The following SCN7A variants were observed in gnomAD, a reference collection of about 807,000 sequenced individuals.
SCN7A encodes sodium voltage-gated channel alpha subunit 7, also known as sodium channel protein type 7 subunit alpha.
Under a neutral mutation model 155.2 loss-of-function variants are expected in SCN7A, and 138 were observed. The ratio of observed to expected loss-of-function variants is 0.89; its 90% CI spans 0.77 to 1.02. The LOEUF (loss-of-function observed/expected upper bound fraction) is 1.02. Ranked by LOEUF, SCN7A falls within the 50% of genes least tolerant of loss-of-function variation. The pLI, the probability that SCN7A is intolerant of heterozygous loss-of-function variation, is 0.00. For synonymous variants in SCN7A, 693 were observed against 649.0 expected (o/e 1.07, Z -1.03); for missense variants, 2,058 against 1,986.6 (o/e 1.04, Z -0.68).
chr2:166,409,044 A>G (rs1701138580), intron 25 of SCN7A, among the ~76,000 whole-genome samples: 1 of 152,010 alleles, frequency 6.6e-6, no homozygotes, highest in Non-Finnish European at 1.5e-5. Context: ...AATAGCACAC[A>G]TTAAAATGTA....
At chr2:166,411,514 GCTTGA>G (rs1374279229) in intron 23 of SCN7A, among the ~76,000 whole-genome samples, 1 of 151,918 alleles carries the variant, frequency 6.6e-6, no homozygotes, top group Non-Finnish European at 1.5e-5. Flanking sequence ...AGGTGAAAGT[GCTTGA>G]CTTAAGGCAA....
chr2:166,414,155 A>T (rs1282754789), intron 21 of SCN7A, among the ~76,000 whole-genome samples: 1 of 67,488 alleles, frequency 1.5e-5, no homozygotes, highest in East Asian at 3.7e-4. Flanking sequence ...ATATAAATAT[A>T]TATAATATAT....
chr2:166,465,345 T>C, intron 9 of SCN7A, 117 bp downstream of exon 9: 1 of 751,924 alleles, frequency 1.3e-6, no homozygotes, highest in African/African-American at 1.8e-5. Context: ...AGTATGGTTT[T>C]GATGATGAAA....
chr2:166,423,342 C>A lies in SCN7A; in HGVS notation c.2944G>T (p.Glu982Ter). 1.2e-6 allele frequency: 2 copies of A among 1,612,004 alleles called. No homozygotes were observed. The highest frequency in any genetic ancestry group is 1.7e-6 in the Non-Finnish European group (2 of 1,179,048). ...TATGCCATCCATTTTAGAAGCATTT[C>A]CAGAATGAAGATATAAGTAAAGATC... The part of the protein sequence containing the change: ...DMIFTYIFIL[E>*]MLLKWMAYGF... Residue 982 changes from glutamate to a stop codon, truncating the protein, a stop_gained, in exon 19 of 26, where the codon GAA becomes TAA. Coordinates refer to ENST00000643258, the MANE Select transcript of SCN7A (RefSeq NM_002976.4). LOFTEE classifies it high-confidence loss of function.
At chr2:166,429,637 A>G (rs935424587) in intron 16 of SCN7A, among the ~76,000 whole-genome samples, 6 of 152,084 alleles carry the variant, frequency 3.9e-5, no homozygotes, top group African/African-American at 1.4e-4. Flanking sequence ...ATGCTATTTC[A>G]ATTAGATGAG....
intron 25 of SCN7A, among the ~76,000 whole-genome samples, chr2:166,407,101 G>C (rs1701093504): frequency 6.6e-6 from 1 of 151,920 alleles, no homozygotes; most frequent in Non-Finnish European, 1.5e-5. Flanking sequence ...AGAAAATAGT[G>C]ACAGACATTT....
At chr2:166,466,275 T>C (rs920078227) in intron 7 of SCN7A, among the ~76,000 whole-genome samples, 1 of 152,166 alleles carries the variant, frequency 6.6e-6, no homozygotes, top group Non-Finnish European at 1.5e-5. Context: ...TCTCTTGGTA[T>C]CTACTTGTCA....
chr2:166,462,410 G>T lies in SCN7A; in HGVS notation c.1062C>A (p.Tyr354Ter). The stretch of plus-strand genomic sequence containing the variant: ...TTACCTGGTGATAAAGTACTTCAGG[G>T]TAATCCTGAGCCATTAACCGAAATA... ...FALFRLMAQD[Y>*]PEVLYHQILY... Residue 354 changes from tyrosine (Y) to a stop codon, truncating the protein, a stop_gained, in exon 10 of 26, where the codon TAC (tyrosine) becomes TAA (stop). Coordinates refer to ENST00000643258, the MANE Select transcript of SCN7A (RefSeq NM_002976.4). LOFTEE classifies it high-confidence loss of function. 6.3e-7 allele frequency: 1 copy of T among 1,596,560 alleles called. No individual in the cohort carries two copies. Among genetic ancestry groups the T allele is most frequent in the Non-Finnish European group, 8.5e-7 (1 of 1,170,744 alleles).
rs1367128501 is a variant in SCN7A at position 166,441,493 on chromosome 2, C to T, written c.2060G>A (p.Gly687Glu). 1.9e-6 allele frequency: 3 copies of T among 1,613,976 alleles called. No homozygotes were observed. Among genetic ancestry groups the T allele is most frequent in the Non-Finnish European group, 2.5e-6 (3 of 1,179,990 alleles). Residue 687 changes from glycine (G) to glutamate (E), a missense_variant, in exon 15 of 26, where the codon GGA becomes GAA. By Grantham distance (98) the Gly-to-Glu change is moderately conservative. Coordinates refer to ENST00000643258, the MANE Select transcript of SCN7A (RefSeq NM_002976.4). Reference protein sequence around the residue: ...SFLNVFRILCGEWVETLWDCM... With the variant: ...SFLNVFRILCEEWVETLWDCM... ...GTCCCACAAGGTCTCTACCCACTCTCCACAGAGAATTCGGAACACATTCAG... is the reference window on the plus strand; with the variant it reads ...GTCCCACAAGGTCTCTACCCACTCTTCACAGAGAATTCGGAACACATTCAG...
At chr2:166,429,469 T>A (rs1701688889) in intron 16 of SCN7A, among the ~76,000 whole-genome samples, 195 bp from the exon 17 acceptor site, 1 of 152,092 alleles carries the variant, frequency 6.6e-6, no homozygotes, top group Non-Finnish European at 1.5e-5. Context: ...TTTAAAAAAA[T>A]ATTGTATGAT....
chr2:166,409,064 T>G (rs1259040189), intron 25 of SCN7A, among the ~76,000 whole-genome samples: 1 of 152,026 alleles, frequency 6.6e-6, no homozygotes, highest in Admixed American at 6.6e-5. Context: ...ACTGTTTAAT[T>G]ATCTATATCC....
At chr2:166,450,517 T>C (rs548043923) in intron 11 of SCN7A, among the ~76,000 whole-genome samples, 11 of 152,138 alleles carry the variant, frequency 7.2e-5, no homozygotes, top group African/African-American at 2.4e-4. Flanking sequence ...AAGTTCAGGA[T>C]GTGGACGGGT....
rs1574994524 is a variant in SCN7A, at chr2:166,406,400, C to T, written c.4229G>A (p.Gly1410Glu). ...YNFAYVKKEA[G>E]INDVSNFETF... ...TTCAAAATTAGACACATCATTAATT[C>T]CAGCTTCTTTTTTAACATAGGCAAA... Residue 1410 changes from glycine to glutamate, a missense_variant, in exon 26 of 26, where the codon GGA (glycine) becomes GAA (glutamate). Coordinates refer to ENST00000643258, the MANE Select transcript of SCN7A (RefSeq NM_002976.4). The T allele has an allele frequency of 3.1e-6, 5 of 1,612,938 alleles. No individual in the cohort carries two copies. The highest frequency in any genetic ancestry group is 4.2e-6 in the Non-Finnish European group (5 of 1,179,362).
intron 10 of SCN7A, 145 bp from the exon 11 acceptor site, chr2:166,457,221 G>T (rs1386109794): frequency 6.5e-6 from 4 of 614,348 alleles, no homozygotes; most frequent in Middle Eastern, 8.8e-4. Context: ...TTAAGCACTG[G>T]CTCCACCTGA....
intron 7 of SCN7A, among the ~76,000 whole-genome samples, chr2:166,468,899 C>T (rs1417146589): frequency 1.3e-5 from 2 of 151,446 alleles, no homozygotes; most frequent in African/African-American, 2.4e-5. Flanking sequence ...GACCTGTCCA[C>T]GATGTATGTT....
chr2:166,406,079 T>G lies in SCN7A; in HGVS notation c.4550A>C (p.Lys1517Thr), dbSNP rs762497414. The part of the protein sequence containing the change: ...NKTLSEDDFR[K>T]FFQVWKRFDP... ...AAACCTTTTCCATACCTGAAAGAAT[T>G]TCCTAAAATCATCTTCACTCAAGGT... Residue 1517 changes from lysine to threonine, a missense_variant, in exon 26 of 26, where the codon AAA (lysine) becomes ACA (threonine). Coordinates refer to ENST00000643258, the MANE Select transcript of SCN7A (RefSeq NM_002976.4). The G allele has an allele frequency of 6.2e-7, 1 of 1,612,596 alleles. No individual in the cohort carries two copies. Among genetic ancestry groups the G allele is most frequent in the South Asian group, 1.1e-5 (1 of 91,042 alleles).
intron 12 of SCN7A, among the ~76,000 whole-genome samples, chr2:166,446,802 G>A (rs769794245): frequency 1.3e-5 from 2 of 152,080 alleles, no homozygotes; most frequent in Admixed American, 6.6e-5. Flanking sequence ...CCTCACTCAT[G>A]GGTGGGAGTT....
At chr2:166,469,710 A>G (rs1702612385) in intron 7 of SCN7A, among the ~76,000 whole-genome samples, 1 of 151,844 alleles carries the variant, frequency 6.6e-6, no homozygotes, top group South Asian at 2.1e-4. Flanking sequence ...TGTGGGGAGT[A>G]GTAAGGGAGC....
rs1219453764 is a variant in SCN7A at position 166,405,756 on chromosome 2, CTT to C, written c.4871_4872del (p.Gln1624ArgfsTer13). 12 of 1,613,016 alleles carry C rather than the reference CTT, an allele frequency of 7.4e-6. No individual in the cohort carries two copies. The highest frequency in any genetic ancestry group is 5.5e-5 in the South Asian group (5 of 91,032). ...TGAATGATGGTTGCTGAAACTGCCT[CTT>C]GTTTTCGTTTCAAAGTAGTCGTAAT... is the stretch of plus-strand genomic sequence containing the variant. The part of the protein sequence containing the change: ...EPITTTLKRK[Q>X]EAVSATIIQR... On this transcript the variant is annotated frameshift_variant, in exon 26 of 26. Transcript: ENST00000643258. LOFTEE classifies it low-confidence loss of function (END_TRUNC).
Sources: gnomAD v4.1 joint callset for allele counts (sites outside exome capture counted in the v4.1 genomes callset) on GRCh38, gnomAD v4.1.1 for gene constraint, MANE v1.5 for transcripts, NCBI Gene and HGNC (gene_info 2026-07-23, HGNC 2026-07-21) for gene names.